Variants in MARCHF1 observed in about 807,000 individuals in gnomAD.
The protein encoded by MARCHF1 is E3 ubiquitin-protein ligase MARCHF1.
A neutral mutation model predicts 54.2 loss-of-function variants in MARCHF1; 40 were observed. That is an observed-to-expected ratio of 0.74 (90% confidence interval 0.57 to 0.96). The LOEUF (loss-of-function observed/expected upper bound fraction) is 0.96, where lower values mean the gene tolerates loss of function less well. Ranked by LOEUF, MARCHF1 falls within the 40% of genes least tolerant of loss-of-function variation. The pLI is 0.00. For synonymous variants in MARCHF1, 236 were observed against 236.3 expected, an observed-to-expected ratio of 1.00 and a Z score of 0.01; for missense variants, 586 against 656.5, an observed-to-expected ratio of 0.89 and a Z score of 1.17.
intron 8 of MARCHF1, chr4:163,585,218 A>G (rs547122758): frequency 6.4e-4 from 97 of 152,352 alleles, no homozygotes; most frequent in African/African-American, 2.2e-3. Flanking sequence ...TTTTATTTCT[A>G]CCTACTCTAA....
intron 1 of MARCHF1, among the ~76,000 whole-genome samples, chr4:164,364,723 T>G (rs1448558145): frequency 6.6e-6 from 1 of 151,886 alleles, no homozygotes; most frequent in Admixed American, 6.6e-5. Context: ...GACAATTCCT[T>G]CTTTTCTCTT....
At chr4:163,666,490 A>G (rs376885548) in intron 5 of MARCHF1, among the ~76,000 whole-genome samples, 2 of 152,280 alleles carry the variant, frequency 1.3e-5, no homozygotes, top group South Asian at 4.1e-4. Flanking sequence ...CTTATTATCC[A>G]GAATTTTTTA....
At chr4:164,286,320 CAACA>C (rs987931442) in intron 1 of MARCHF1, among the ~76,000 whole-genome samples, 4 of 152,048 alleles carry the variant, frequency 2.6e-5, no homozygotes, top group African/African-American at 4.8e-5. Context: ...AAATTGAATA[CAACA>C]ATCAATGAAT....
chr4:163,923,777 A>C (rs1751480416), intron 3 of MARCHF1, among the ~76,000 whole-genome samples: 1 of 151,730 alleles, frequency 6.6e-6, no homozygotes, highest in South Asian at 2.1e-4. Context: ...AAAAAAAAAA[A>C]AAAATAGAAA....
chr4:164,243,103 G>A (rs1265656721), intron 1 of MARCHF1, among the ~76,000 whole-genome samples: 1 of 120,960 alleles, frequency 8.3e-6, no homozygotes, highest in African/African-American at 3.3e-5. Context: ...GCAGGCCAAC[G>A]TTCAGATTCA....
At chr4:163,628,098 A>T (rs1027427283) in intron 5 of MARCHF1, among the ~76,000 whole-genome samples, 1 of 152,166 alleles carries the variant, frequency 6.6e-6, no homozygotes. Context: ...TATAAAAATT[A>T]AAAAAATTGT....
At chr4:164,144,739 C>T in intron 1 of MARCHF1, among the ~76,000 whole-genome samples, 1 of 122,068 alleles carries the variant, frequency 8.2e-6, no homozygotes, top group South Asian at 2.9e-4. Flanking sequence ...AAAATTGACA[C>T]CCTAACATCA....
chr4:164,340,405 TTATATATAGATATA>T (rs376166325), intron 1 of MARCHF1, among the ~76,000 whole-genome samples: 2 of 95,654 alleles, frequency 2.1e-5, no homozygotes, highest in East Asian at 4.0e-4. Context: ...AGGCCTTGAT[TTATATATAGATATA>T]TATATATATA....
At chr4:163,922,726 C>CTTTATTTAGTG (rs1449420189) in intron 3 of MARCHF1, among the ~76,000 whole-genome samples, 1 of 151,904 alleles carries the variant, frequency 6.6e-6, no homozygotes, top group Non-Finnish European at 1.5e-5. Context: ...TCACTAAAAG[C>CTTTATTTAGTG]AACTAATTCT....
rs1756193807 is a variant in MARCHF1 at position 164,126,861 on chromosome 4, G to A, written c.-322-15199C>T. ...ACTTGAGGTCAGGAGCTCAAGACCA[G>A]CCTGACCAATATGGTGAAACCCCAG... On this transcript the variant is annotated intron_variant, in intron 1 of 9. Transcript: ENST00000514618. Among the ~76,000 whole-genome samples the A allele has an allele frequency of 1.3e-5, 2 of 152,116 alleles. 1 individual carries two copies. The highest frequency in any genetic ancestry group is 4.8e-5 in the African/African-American group (2 of 41,436).
chr4:163,933,617 T>G (rs747874750), intron 3 of MARCHF1, among the ~76,000 whole-genome samples: 1 of 152,278 alleles, frequency 6.6e-6, no homozygotes, highest in Non-Finnish European at 1.5e-5. Context: ...AATTACAATT[T>G]AAAGAGTGTT....
chr4:163,985,774 T>C (rs542810566), intron 3 of MARCHF1, among the ~76,000 whole-genome samples: 73 of 152,336 alleles, frequency 4.8e-4, no homozygotes, highest in Non-Finnish European at 8.1e-4. Context: ...TGAAATTAGA[T>C]CATTTTCCTA....
chr4:163,532,085 T>C (rs1480830940), intron 9 of MARCHF1, among the ~76,000 whole-genome samples: 3 of 151,890 alleles, frequency 2.0e-5, no homozygotes, highest in Non-Finnish European at 2.9e-5. Flanking sequence ...TTTATGGATA[T>C]TGACAAACTG....
At chr4:163,782,387 C>T (rs1299024950) in intron 4 of MARCHF1, among the ~76,000 whole-genome samples, 3 of 152,032 alleles carry the variant, frequency 2.0e-5, no homozygotes, top group Admixed American at 6.5e-5. Flanking sequence ...AAAGGTCCAG[C>T]AGGCCGGGTG....
chr4:163,752,471 A>C (rs1172813114), intron 4 of MARCHF1, among the ~76,000 whole-genome samples: 1 of 152,194 alleles, frequency 6.6e-6, no homozygotes, highest in African/African-American at 2.4e-5. Flanking sequence ...TTCACTGTTT[A>C]GTAGTTGTGT....
chr4:164,151,769 T>C (rs1299502710), intron 1 of MARCHF1, among the ~76,000 whole-genome samples: 1 of 152,166 alleles, frequency 6.6e-6, no homozygotes, highest in East Asian at 1.9e-4. Flanking sequence ...TATTTCTTTC[T>C]AACTCAGCCC....
chr4:163,759,878 T>C (rs1010795630), intron 4 of MARCHF1, among the ~76,000 whole-genome samples: 4 of 152,242 alleles, frequency 2.6e-5, no homozygotes, highest in African/African-American at 4.8e-5. Flanking sequence ...AAAGCTGATG[T>C]GAGCACACAT....
At chr4:164,165,833 C>T (rs1455090245) in intron 1 of MARCHF1, among the ~76,000 whole-genome samples, 1 of 151,960 alleles carries the variant, frequency 6.6e-6, no homozygotes, top group African/African-American at 2.4e-5. Context: ...TGTTAATTAT[C>T]TTCTTTCTCT....
chr4:163,785,523 C>T (rs1046962501), intron 4 of MARCHF1, among the ~76,000 whole-genome samples: 3 of 151,572 alleles, frequency 2.0e-5, no homozygotes, highest in Admixed American at 1.3e-4. Context: ...CTTTTTTTTC[C>T]TCCTCAATCT....
Sources: gnomAD v4.1 joint callset for allele counts (sites outside exome capture counted in the v4.1 genomes callset) on GRCh38, gnomAD v4.1.1 for gene constraint, MANE v1.5 for transcripts, NCBI Gene and HGNC (gene_info 2026-07-23, HGNC 2026-07-21) for gene names.